The following ACAD11 variants were observed in gnomAD, a reference collection of about 807,000 sequenced individuals.
ACAD11 encodes the protein acyl-Coenzyme A dehydrogenase family, member 11.
ACAD11 carries 83 observed loss-of-function variants against 102.2 expected under a neutral mutation model. The observed-to-expected ratio is 0.81, with a 90% CI of 0.68 to 0.97. ACAD11 has a LOEUF of 0.97. Ranked by LOEUF, ACAD11 falls within the 50% of genes least tolerant of loss-of-function variation. The pLI, the probability that ACAD11 is intolerant of heterozygous loss-of-function variation, is 0.00. For missense variants in ACAD11, 901 were observed against 951.7 expected, an observed-to-expected ratio of 0.95 and a Z score of 0.70; for synonymous variants, 324 against 319.8, an observed-to-expected ratio of 1.01 and a Z score of -0.14.
chr3:132,579,637 C>G, intron 13 of ACAD11, 79 bp from the exon 14 acceptor site: 3 of 1,092,638 alleles, frequency 2.7e-6, no homozygotes, highest in Non-Finnish European at 4.2e-6. Flanking sequence ...TCTAATCCTT[C>G]CCACTTTACC....
intron 16 of ACAD11, 145 bp from the exon 17 acceptor site, chr3:132,576,071 T>A: frequency 1.2e-6 from 1 of 821,028 alleles, no homozygotes; most frequent in South Asian, 1.9e-5. Context: ...ATAATAAGGT[T>A]CACTATGAAT....
At chr3:132,658,510 T>A (rs567711570) in intron 1 of ACAD11, among the ~76,000 whole-genome samples, 7 of 152,222 alleles carry the variant, frequency 4.6e-5, no homozygotes, top group Non-Finnish European at 8.8e-5. Context: ...CAGGACTAGA[T>A]GTTCAAAGGG....
Position 132,619,487 on chromosome 3 carries a change from A to G in ACAD11, c.1256T>C (p.Leu419Ser), listed in dbSNP as rs1389022610. 3 of 1,592,256 alleles carry G rather than the reference A, an allele frequency of 1.9e-6. No individual in the cohort carries two copies. The highest frequency in any genetic ancestry group is 2.6e-6 in the Non-Finnish European group (3 of 1,171,430). Residue 419 changes from leucine to serine, a missense_variant, in exon 10 of 20, where the codon TTA (leucine) becomes TCA (serine). Leu to Ser is a moderately radical substitution (Grantham distance 145). Coordinates refer to ENST00000264990, the MANE Select transcript of ACAD11 (RefSeq NM_032169.5). ...ENSVDKWGKPLVIDKLKEMAK... is the reference protein window; with the variant it reads ...ENSVDKWGKPSVIDKLKEMAK... ...TCTTACCTTGAGTTTATCAATCACT[A>G]AAGGTTTTCCCCACTTGTCCACTGA...
chr3:132,600,890 G>T, intron 13 of ACAD11: 9 of 1,613,478 alleles, frequency 5.6e-6, no homozygotes, highest in Non-Finnish European at 7.6e-6. Flanking sequence ...CTGGATGGCT[G>T]CCATCTTGCT....
In ACAD11 at chr3:132,559,001, G is replaced by A; in HGVS notation, c.2313C>T (p.Asp771=). Residue 771 remains aspartate (D), a synonymous_variant, in exon 20 of 20, where the codon GAC becomes GAT. Transcript: ENST00000264990. ...TCTTGGCTGTCAGTCTTTTGGCTTG[G>A]TCCCGCAGCTCCATTGTTGCGATTG... The part of the protein sequence containing the change: ...LSAIATMELR[D]QAKRLTAKI 1 of 1,613,596 alleles carries A rather than the reference G, an allele frequency of 6.2e-7. No individual in the cohort carries two copies. The highest frequency in any genetic ancestry group is 8.5e-7 in the Non-Finnish European group (1 of 1,179,718).
At chr3:132,615,195 G>A (rs111352417) in intron 11 of ACAD11, among the ~76,000 whole-genome samples, 10 of 152,282 alleles carry the variant, frequency 6.6e-5, no homozygotes, top group African/African-American at 2.4e-4. Context: ...GAGAGGATGT[G>A]GAGAAATAGG....
chr3:132,577,648 C>A (rs1206398874), intron 15 of ACAD11, among the ~76,000 whole-genome samples: 1 of 152,118 alleles, frequency 6.6e-6, no homozygotes, highest in Non-Finnish European at 1.5e-5. Flanking sequence ...TTGCATCACC[C>A]CTTCTCCCTG....
intron 1 of ACAD11, among the ~76,000 whole-genome samples, chr3:132,650,703 T>C (rs1196329101): frequency 6.6e-6 from 1 of 152,140 alleles, no homozygotes; most frequent in Admixed American, 6.5e-5. Context: ...CTACTTAACT[T>C]AGTGTAAGAC....
chr3:132,610,821 T>C (rs1026159192), intron 11 of ACAD11, among the ~76,000 whole-genome samples: 1 of 152,160 alleles, frequency 6.6e-6, no homozygotes, highest in Non-Finnish European at 1.5e-5. Context: ...CCATTCCTTC[T>C]GAAACTATTC....
At chr3:132,580,071 T>C (rs1202791453) in intron 13 of ACAD11, among the ~76,000 whole-genome samples, 2 of 152,090 alleles carry the variant, frequency 1.3e-5, no homozygotes, top group East Asian at 1.9e-4. Context: ...AAAATTACTT[T>C]TAATGTTTAC....
At chr3:132,629,650 A>G (rs961904202) in intron 7 of ACAD11, among the ~76,000 whole-genome samples, 3 of 152,214 alleles carry the variant, frequency 2.0e-5, no homozygotes, top group Non-Finnish European at 2.9e-5. Flanking sequence ...TAACACAACT[A>G]TTTCAGTTGT....
rs539916640 is a variant in ACAD11, at chr3:132,632,242, C to T, written c.703-763G>A. On this transcript the variant is annotated intron_variant, in intron 5 of 19. Transcript: ENST00000264990. ...GGGACTACAGGTGCTCGCCACCACG[C>T]CCGGCTAATTTTTTTTGTATTTTTA... Among the ~76,000 whole-genome samples the T allele has an allele frequency of 9.2e-5, 14 of 152,190 alleles. No individual in the cohort carries two copies. The East Asian group carries it at 2.3e-3, about 25-fold the overall frequency.
chr3:132,602,577 A>G (rs1938659813), intron 13 of ACAD11, among the ~76,000 whole-genome samples: 1 of 152,296 alleles, frequency 6.6e-6, no homozygotes, highest in African/African-American at 2.4e-5. Flanking sequence ...TTTGCTGTAA[A>G]TTATTATAAT....
chr3:132,642,557 C>A (rs1940564749), intron 3 of ACAD11, 120 bp downstream of exon 3: 2 of 1,146,178 alleles, frequency 1.7e-6, no homozygotes, highest in Non-Finnish European at 2.4e-6. Flanking sequence ...GCAATGCAAT[C>A]TAATTACCTA....
chr3:132,628,211 C>A (rs1370182152), intron 8 of ACAD11, 129 bp downstream of exon 8: 4 of 495,288 alleles, frequency 8.1e-6, no homozygotes, highest in Middle Eastern at 5.9e-4. Context: ...TACCAAAAAT[C>A]TATTGTGATT....
At chr3:132,652,410 A>G (rs1323523203) in intron 1 of ACAD11, among the ~76,000 whole-genome samples, 3 of 152,168 alleles carry the variant, frequency 2.0e-5, no homozygotes, top group Admixed American at 6.5e-5. Context: ...TATTAGCAAT[A>G]TGAGAACAGA....
intron 17 of ACAD11, 172 bp from the exon 18 acceptor site, chr3:132,561,389 C>CG: frequency 1.5e-6 from 1 of 646,590 alleles, no homozygotes; most frequent in South Asian, 1.5e-5. Flanking sequence ...TATACACCAG[C>CG]CTAACCACAT....
intron 13 of ACAD11, chr3:132,600,852 A>T (rs766776829): frequency 6.4e-5 from 104 of 1,613,882 alleles, no homozygotes; most frequent in Non-Finnish European, 8.6e-5. Flanking sequence ...GGAGTGGGAA[A>T]ACCATGCTGG....
chr3:132,625,486 G>A (rs1939776411), intron 9 of ACAD11, among the ~76,000 whole-genome samples: 1 of 152,030 alleles, frequency 6.6e-6, no homozygotes, highest in South Asian at 2.1e-4. Flanking sequence ...AGAGTTCACA[G>A]TTTTAAAAAT....
Sources: allele counts gnomAD v4.1 joint callset (sites outside exome capture counted in the v4.1 genomes callset), GRCh38; gene constraint gnomAD v4.1.1; transcripts MANE v1.5; gene names NCBI Gene and HGNC (gene_info 2026-07-23, HGNC 2026-07-21).